HSPG2: variants seen among roughly 807,000 people sequenced by gnomAD.
HSPG2 encodes the protein heparan sulfate proteoglycan 2, also known as basement membrane-specific heparan sulfate proteoglycan core protein.
Under a neutral mutation model 526.6 loss-of-function variants are expected in HSPG2, and 278 were observed. That is an observed-to-expected ratio of 0.53 (90% CI 0.48 to 0.58). The LOEUF (loss-of-function observed/expected upper bound fraction) is 0.58, where lower values mean the gene tolerates loss of function less well. Ranked by LOEUF, HSPG2 falls within the 20% of genes least tolerant of loss-of-function variation. The pLI is 0.00. For missense variants in HSPG2, 5,354 were observed against 6,099.5 expected (o/e 0.88, Z 4.07); for synonymous variants, 2,465 against 2,555.4 (o/e 0.96, Z 1.07).
At chr1:21,854,071 C>T (rs145872070) in intron 50 of HSPG2, 122 bp downstream of exon 50, 20 of 1,117,748 alleles carry the variant, frequency 1.8e-5, no homozygotes, top group African/African-American at 1.4e-4. Flanking sequence ...TCTGAGCAGG[C>T]GCTGAAGGGT....
chr1:21,887,344 C>G lies in HSPG2; in HGVS notation c.959-10G>C. 1 of 1,613,924 alleles carries G rather than the reference C, an allele frequency of 6.2e-7. No homozygotes were observed. Among genetic ancestry groups the G allele is most frequent in the Non-Finnish European group, 8.5e-7 (1 of 1,179,916 alleles). The stretch of plus-strand genomic sequence containing the variant: ...CAGGGTGGCGGGGGGCCTAGGAGAC[C>G]GGGCAGGGGTCAGCAGCATCCTCCC... On this transcript the variant is annotated splice_polypyrimidine_tract_variant and intron_variant, in intron 8 of 96. Transcript: ENST00000374695. The surrounding 1 kb of genome is among the most constrained non-coding windows in gnomAD (Gnocchi z 5.0).
Position 21,831,529 on chromosome 1 carries a change from G to C in HSPG2, c.11386C>G (p.Leu3796Val). Residue 3796 changes from leucine to valine, a missense_variant, in exon 83 of 97, where the codon CTC (leucine) becomes GTC (valine). Coordinates refer to ENST00000374695, the MANE Select transcript of HSPG2 (RefSeq NM_005529.7). ...KFQGLDLNEE[L>V]YLGGYPDYGA... ...TAGTCAGGATAGCCACCCAGGTAGA[G>C]TTCCTCGTTCAGATCCAGGCCCTGG... 1.2e-6 allele frequency: 2 copies of C among 1,614,176 alleles called. No individual in the cohort carries two copies. Among genetic ancestry groups the C allele is most frequent in the Non-Finnish European group, 1.7e-6 (2 of 1,180,010 alleles).
Position 21,829,978 on chromosome 1 carries a change from C to T in HSPG2, c.11770+15G>A, listed in dbSNP as rs372468424. 9.4e-5 allele frequency: 150 copies of T among 1,595,730 alleles called. 1 individual carries two copies. In the African/African-American group the frequency reaches 1.7e-3, roughly 18 times the overall value. On this transcript the variant is annotated intron_variant, in intron 86 of 96. Coordinates refer to ENST00000374695, the MANE Select transcript of HSPG2 (RefSeq NM_005529.7). ...ACACTAGGACCCTGGGGGTCTCAGG[C>T]CTGGCTCCCCTCACCTTCCTCACAC...
chr1:21,913,889 G>A (rs1176742791), intron 1 of HSPG2, among the ~76,000 whole-genome samples: 2 of 152,206 alleles, frequency 1.3e-5, no homozygotes, highest in East Asian at 1.9e-4. Context: ...TGGCTCTGCC[G>A]CTTGCCAGCT....
rs540994945 is a variant in HSPG2, at chr1:21,898,932, A to T, written c.64-2622T>A. Among the ~76,000 whole-genome samples the T allele has an allele frequency of 6.6e-6, 1 of 152,376 alleles. No homozygotes were observed. Among genetic ancestry groups the T allele is most frequent in the South Asian group, 2.1e-4 (1 of 4,834 alleles). Reference sequence around the variant, plus strand: ...TTTCCCAGGGAGCAGGGAGCTGGTCAGCGGGTGGCGGCGGGGGTGGCCTTG... The same window carrying T: ...TTTCCCAGGGAGCAGGGAGCTGGTCTGCGGGTGGCGGCGGGGGTGGCCTTG... On this transcript the variant is annotated intron_variant, in intron 1 of 96. Coordinates refer to ENST00000374695, the MANE Select transcript of HSPG2 (RefSeq NM_005529.7). The surrounding 1 kb of genome is among the most constrained non-coding windows in gnomAD (Gnocchi z 4.0).
At chr1:21,868,480 G>A (rs936866617) in intron 33 of HSPG2, among the ~76,000 whole-genome samples, 4 of 152,122 alleles carry the variant, frequency 2.6e-5, no homozygotes, top group Admixed American at 2.0e-4. Context: ...GGGATGGACA[G>A]GGAGCTCTGG....
In HSPG2 at chr1:21,881,473, C is replaced by T. The variant is rs758121351; in HGVS notation, c.1684G>A (p.Gly562Ser). Reference protein sequence around the residue: ...GVNVTMPAQPGTPPLSSTQLQ... With the variant: ...GVNVTMPAQPSTPPLSSTQLQ... ...TGCGTGGAGGAGAGGGGTGGCGTGC[C>T]GGGCTGCGCAGGCATTGTCACATTC... Residue 562 changes from glycine to serine, a missense_variant, in exon 14 of 97, where the codon GGC becomes AGC. Gly to Ser is a moderately conservative substitution (Grantham distance 56, BLOSUM62 0). Coordinates refer to ENST00000374695, the MANE Select transcript of HSPG2 (RefSeq NM_005529.7). 12 of 1,612,726 alleles carry T rather than the reference C, an allele frequency of 7.4e-6. No individual in the cohort carries two copies. Among genetic ancestry groups the T allele is most frequent in the South Asian group, 4.4e-5 (4 of 91,008 alleles).
chr1:21,889,448 A>T (rs1182845333), intron 6 of HSPG2, among the ~76,000 whole-genome samples: 5 of 152,222 alleles, frequency 3.3e-5, no homozygotes, highest in Admixed American at 6.5e-5. Context: ...TGCTTCTGTC[A>T]TCACAGGTTC....
chr1:21,831,168 G>A (rs2098002129), intron 84 of HSPG2, 47 bp downstream of exon 84: 1 of 1,601,182 alleles, frequency 6.2e-7, no homozygotes, highest in East Asian at 2.2e-5. Context: ...GCCATGGCTA[G>A]GGGTGGAGGC....
Position 21,885,443 on chromosome 1 carries a change from G to C in HSPG2, c.1087C>G (p.Arg363Gly), listed in dbSNP as rs373137902. 1 of 1,613,874 alleles carries C rather than the reference G, an allele frequency of 6.2e-7. No individual in the cohort carries two copies. The highest frequency in any genetic ancestry group is 8.5e-7 in the Non-Finnish European group (1 of 1,179,990). Residue 363 changes from arginine (R) to glycine (G), a missense_variant, in exon 10 of 97, where the codon CGT (arginine) becomes GGT (glycine). Coordinates refer to ENST00000374695, the MANE Select transcript of HSPG2 (RefSeq NM_005529.7). The stretch of plus-strand genomic sequence containing the variant: ...GTGGGCCCGCACACTTCCTCAGGAC[G>C]CTTGGTGGCTGGGGACAAAGCCAGG... ...RTDEANCPTK[R>G]PEEVCGPTQF...
At position 21,835,655 on chromosome 1, in the gene HSPG2, TAA is replaced by T. The variant is rs767353643; in HGVS notation, c.10356-20_10356-19del. 1 of 1,583,692 alleles carries T rather than the reference TAA, an allele frequency of 6.3e-7. No homozygotes were observed. Among genetic ancestry groups the T allele is most frequent in the Non-Finnish European group, 8.7e-7 (1 of 1,152,820 alleles). On this transcript the variant is annotated intron_variant, in intron 75 of 96. Transcript: ENST00000374695. ...TCTGGATTCTATAAAGAAAAAATAA[TAA>T]GACATCAGGGAGTTGAAAACAACTG... is the stretch of plus-strand genomic sequence containing the variant.
At chr1:21,883,268 C>T (rs1240255268) in intron 13 of HSPG2, among the ~76,000 whole-genome samples, 1 of 152,230 alleles carries the variant, frequency 6.6e-6, no homozygotes, top group Non-Finnish European at 1.5e-5. Context: ...ATGGTGGCCA[C>T]GGCCATTAGC....
chr1:21,843,461 G>A lies in HSPG2; in HGVS notation c.8617-23C>T, dbSNP rs201397019. On this transcript the variant is annotated intron_variant, in intron 65 of 96. Coordinates refer to ENST00000374695, the MANE Select transcript of HSPG2 (RefSeq NM_005529.7). ...GACCTGGCCAAGGTGGGGTGAGAGC[G>A]GGGAGGGTGAGCTGGGAGCCTTCAG... 103 of 1,601,960 alleles carry A rather than the reference G, an allele frequency of 6.4e-5. No homozygotes were observed. The African/African-American group carries it at 1.1e-3, about 18-fold the overall frequency.
At chr1:21,934,259 G>A (rs868711935) in intron 1 of HSPG2, among the ~76,000 whole-genome samples, 4 of 152,234 alleles carry the variant, frequency 2.6e-5, no homozygotes, top group Non-Finnish European at 5.9e-5. Context: ...CACTGGCTCC[G>A]GACCAAACTG....
In HSPG2 at chr1:21,848,955, C is replaced by G. The variant is rs745651376; in HGVS notation, c.7523G>C (p.Ser2508Thr). 8 of 1,613,918 alleles carry G rather than the reference C, an allele frequency of 5.0e-6. No homozygotes were observed. Among genetic ancestry groups the G allele is most frequent in the Non-Finnish European group, 5.9e-6 (7 of 1,180,018 alleles). Residue 2508 changes from serine (S) to threonine (T), a missense_variant, in exon 58 of 97, where the codon AGC becomes ACC. Coordinates refer to ENST00000374695, the MANE Select transcript of HSPG2 (RefSeq NM_005529.7). The surrounding 1 kb of genome is among the most constrained non-coding windows in gnomAD (Gnocchi z 4.9). ...GACTGAGGCTTCCTGGGTACCTGAG[C>G]TGCCGACCACACGGCACACGTACTC... is the stretch of plus-strand genomic sequence containing the variant. ...SGEYVCRVVG[S>T]SGTQEASVLV...
chr1:21,917,057 T>C (rs1340658794), intron 1 of HSPG2, among the ~76,000 whole-genome samples: 3 of 152,260 alleles, frequency 2.0e-5, no homozygotes, highest in Non-Finnish European at 2.9e-5. Context: ...GCCTGAATTC[T>C]GTCAGCTACA....
chr1:21,852,561 G>A (rs1638985544), intron 52 of HSPG2, 139 bp downstream of exon 52: 1 of 1,185,502 alleles, frequency 8.4e-7, no homozygotes, highest in Non-Finnish European at 1.2e-6. Context: ...TCTGACAGGT[G>A]GAGTCGGCCT....
intron 86 of HSPG2, 66 bp from the exon 87 acceptor site, chr1:21,829,670 CT>C: frequency 1.1e-5 from 15 of 1,364,814 alleles, no homozygotes; most frequent in Non-Finnish European, 1.3e-5. Context: ...TCCAGCTACT[CT>C]GCCTTCCTCT....
In HSPG2 at chr1:21,857,082, G is replaced by A. The variant is rs1392375934; in HGVS notation, c.5508C>T (p.Gly1836=). The change falls in exon 44 of 97, where the codon GGC becomes GGT. Residue 1836 remains glycine (G), a synonymous_variant. Transcript: ENST00000374695. ...TGTTGGAGCCGGTGCACACGTAGGT[G>A]CCTGCATCACTCAGCTGGACGTTGC... ...TIRNVQLSDA[G]TYVCTGSNMF... 4.3e-6 allele frequency: 7 copies of A among 1,614,022 alleles called. No individual in the cohort carries two copies. Among genetic ancestry groups the A allele is most frequent in the African/African-American group, 1.3e-5 (1 of 74,882 alleles).
Sources: allele counts gnomAD v4.1 joint callset (sites outside exome capture counted in the v4.1 genomes callset), GRCh38; gene constraint gnomAD v4.1.1; non-coding constraint Gnocchi (gnomAD v3.1); transcripts MANE v1.5; gene names NCBI Gene and HGNC (gene_info 2026-07-23, HGNC 2026-07-21).